MEF2C: variants seen among roughly 807,000 people sequenced by gnomAD.
The protein encoded by MEF2C is myocyte enhancer factor 2C.
Under a neutral mutation model 50.5 loss-of-function variants are expected in MEF2C, and 6 were observed. The ratio of observed to expected loss-of-function variants is 0.12; its 90% confidence interval spans 0.07 to 0.23. The LOEUF (loss-of-function observed/expected upper bound fraction) is 0.23, where lower values mean the gene tolerates loss of function less well. Ranked by LOEUF, MEF2C falls within the 10% of genes least tolerant of loss-of-function variation. The pLI, the probability that MEF2C is intolerant of heterozygous loss-of-function variation, is 1.00. For synonymous variants in MEF2C, 183 were observed against 228.0 expected, an observed-to-expected ratio of 0.80 and a Z score of 1.78; for missense variants, 276 against 605.0, an observed-to-expected ratio of 0.46 and a Z score of 5.70.
chr5:88,858,466 T>C (rs372612074), intron 1 of MEF2C, among the ~76,000 whole-genome samples: 2 of 152,208 alleles, frequency 1.3e-5, no homozygotes, highest in Non-Finnish European at 2.9e-5. Flanking sequence ...TTGGTGACCA[T>C]AGGCAACAAA....
intron 1 of MEF2C, chr5:88,838,377 G>GT (rs34591494): frequency 0.015 from 2,695 of 177,614 alleles, no homozygotes; most frequent in Non-Finnish European, 0.026. Flanking sequence ...GCTGTTTTTG[G>GT]TTTTTTTTTT....
chr5:88,775,776 A>G (rs1279354249), intron 3 of MEF2C: 1 of 976,118 alleles, frequency 1.0e-6, no homozygotes, highest in East Asian at 1.1e-4. Context: ...TGGATTTCAC[A>G]TGATGCTATA....
chr5:88,872,076 T>G (rs751782636), intron 1 of MEF2C, among the ~76,000 whole-genome samples: 3 of 151,984 alleles, frequency 2.0e-5, no homozygotes, highest in Non-Finnish European at 4.4e-5. Context: ...GAACACACAT[T>G]CATCATAAAT....
intron 1 of MEF2C, among the ~76,000 whole-genome samples, chr5:88,878,797 A>ATT (rs1172399886): frequency 1.3e-5 from 2 of 152,122 alleles, no homozygotes; most frequent in African/African-American, 4.8e-5. Context: ...AATGAAATGG[A>ATT]TAGTCCTTGT....
chr5:88,825,240 T>G (rs567538727), intron 1 of MEF2C, among the ~76,000 whole-genome samples: 79 of 152,050 alleles, frequency 5.2e-4, no homozygotes, highest in African/African-American at 1.9e-3. Flanking sequence ...TTAATTTAAT[T>G]TCCAAATTCT....
chr5:88,787,311 C>T (rs751699471), intron 3 of MEF2C, among the ~76,000 whole-genome samples: 3 of 152,086 alleles, frequency 2.0e-5, no homozygotes, highest in Non-Finnish European at 4.4e-5. Flanking sequence ...TTTTTCTTCT[C>T]TGAACTTTTT....
intron 6 of MEF2C, among the ~76,000 whole-genome samples, chr5:88,744,329 G>T (rs965244229): frequency 6.6e-6 from 1 of 152,190 alleles, no homozygotes; most frequent in Non-Finnish European, 1.5e-5. Context: ...CGAGGTGGGC[G>T]GATTGCCTGA....
At chr5:88,761,371 G>A (rs775418574) in intron 3 of MEF2C, 43 bp from the exon 4 acceptor site, 62 of 1,581,950 alleles carry the variant, frequency 3.9e-5, no homozygotes, top group Non-Finnish European at 5.1e-5. Flanking sequence ...GACAAAGGCT[G>A]TAAGAGACAT....
rs1331940490 is a variant in MEF2C, at chr5:88,738,549, T to C, written c.638-6648A>G. 4.3e-6 allele frequency: 4 copies of C among 937,226 alleles called. No homozygotes were observed. In the East Asian group the frequency reaches 3.5e-4, roughly 82 times the overall value. The allele number at this position is 937,226 out of a possible 1,614,324, so 58.1% of individuals were successfully genotyped here. The stretch of plus-strand genomic sequence containing the variant: ...AAACAGCTATCAACTGGTGAAGCTA[T>C]GATTTGAACCCAAGCAGTATGTCCA... On this transcript the variant is annotated intron_variant, in intron 6 of 10. Coordinates refer to ENST00000504921, the MANE Select transcript of MEF2C (RefSeq NM_002397.5).
Position 88,816,406 on chromosome 5 carries a change from G to A in MEF2C, c.54+7329C>T, listed in dbSNP as rs141541347. Among the ~76,000 whole-genome samples, 9 of 149,046 alleles carry A rather than the reference G, an allele frequency of 6.0e-5. No homozygotes were observed. In the East Asian group the frequency reaches 1.8e-3, roughly 30 times the overall value. On this transcript the variant is annotated intron_variant, in intron 2 of 10. Transcript: ENST00000504921. ...TTTTCAAATTGCTAAGGGATAAAAT[G>A]GAAATGAATGGCCTGAGGCCACAGC...
intron 1 of MEF2C, among the ~76,000 whole-genome samples, chr5:88,850,863 C>A (rs934746727): frequency 6.6e-6 from 1 of 152,024 alleles, no homozygotes; most frequent in African/African-American, 2.4e-5. Context: ...CCCGAGACAG[C>A]AAGACCAACC....
chr5:88,826,921 A>T (rs940118978), intron 1 of MEF2C: 1 of 150,358 alleles, frequency 6.7e-6, no homozygotes, highest in Non-Finnish European at 1.5e-5. Flanking sequence ...AAAAAAAAAG[A>T]TGAAGAACTG....
chr5:88,876,539 G>A (rs200218100), intron 1 of MEF2C, among the ~76,000 whole-genome samples: 1 of 151,780 alleles, frequency 6.6e-6, no homozygotes, highest in Non-Finnish European at 1.5e-5. Context: ...AGTATAAATC[G>A]CGTGTTTATT....
intron 3 of MEF2C, among the ~76,000 whole-genome samples, chr5:88,786,158 T>C (rs933086116): frequency 6.6e-6 from 1 of 152,150 alleles, no homozygotes; most frequent in Non-Finnish European, 1.5e-5. Flanking sequence ...AGAAGCTTCC[T>C]CCACATATTG....
chr5:88,900,614 T>A (rs1835555137), intron 1 of MEF2C, among the ~76,000 whole-genome samples: 1 of 151,992 alleles, frequency 6.6e-6, no homozygotes, highest in Admixed American at 6.6e-5. Context: ...TTGTATTTTT[T>A]AGAACTACAT....
chr5:88,736,120 T>C (rs1763969337), intron 6 of MEF2C: 1 of 985,328 alleles, frequency 1.0e-6, no homozygotes, highest in South Asian at 4.7e-5. Context: ...CCAAATCTTA[T>C]TCATTTTTCT....
chr5:88,774,579 C>T (rs894332762), intron 3 of MEF2C, among the ~76,000 whole-genome samples: 8 of 152,118 alleles, frequency 5.3e-5, no homozygotes, highest in Non-Finnish European at 7.4e-5. Flanking sequence ...GCCTCGGCCT[C>T]CCAAAGTAAG....
At chr5:88,798,994 T>C (rs1387721392) in intron 3 of MEF2C, among the ~76,000 whole-genome samples, 1 of 152,250 alleles carries the variant, frequency 6.6e-6, no homozygotes, top group Non-Finnish European at 1.5e-5. Context: ...CAAAGATTGC[T>C]GCCTGTTCCT....
chr5:88,837,440 G>A (rs879420839), intron 1 of MEF2C, among the ~76,000 whole-genome samples: 2 of 152,078 alleles, frequency 1.3e-5, no homozygotes, highest in African/African-American at 2.4e-5. Flanking sequence ...AGCACTAAGC[G>A]CAAAGCAATA....
Sources: allele counts gnomAD v4.1 joint callset (sites outside exome capture counted in the v4.1 genomes callset), GRCh38; gene constraint gnomAD v4.1.1; transcripts MANE v1.5; gene names NCBI Gene and HGNC (gene_info 2026-07-23, HGNC 2026-07-21).